Variants in EIF4G3 observed in about 807,000 individuals in gnomAD.
EIF4G3 encodes the protein eIF-4-gamma 3.
EIF4G3 carries 34 observed loss-of-function variants against 186.4 expected under a neutral mutation model. The observed-to-expected ratio is 0.18, with a 90% CI of 0.14 to 0.24. The LOEUF (loss-of-function observed/expected upper bound fraction) is 0.24. EIF4G3 is among the 10% of genes least tolerant of loss of function. EIF4G3 has a pLI of 1.00. For missense variants in EIF4G3, 1,536 were observed against 1,948.5 expected (o/e 0.79, Z 3.99); for synonymous variants, 673 against 679.5 (o/e 0.99, Z 0.15).
At chr1:21,074,304 ACATCTCCACACATAAC>A (rs1323117096) in intron 3 of EIF4G3, among the ~76,000 whole-genome samples, 1 of 152,200 alleles carries the variant, frequency 6.6e-6, no homozygotes, top group African/African-American at 2.4e-5. Flanking sequence ...GCAGTCAAAA[ACATCTCCACACATAAC>A]TAAATATCTC....
intron 15 of EIF4G3, among the ~76,000 whole-genome samples, chr1:20,900,171 T>C (rs2089799320): frequency 6.6e-6 from 1 of 152,122 alleles, no homozygotes; most frequent in South Asian, 2.1e-4. Context: ...TGCTTTAACA[T>C]GAGACTAATA....
At chr1:21,095,951 A>C (rs1372985738) in intron 2 of EIF4G3, among the ~76,000 whole-genome samples, 3 of 152,236 alleles carry the variant, frequency 2.0e-5, no homozygotes, top group East Asian at 1.9e-4. Flanking sequence ...CAAAAGTTTC[A>C]AATGAAGTTT....
At chr1:20,864,306 T>G (rs898210336) in intron 22 of EIF4G3, among the ~76,000 whole-genome samples, 170 bp downstream of exon 22, 1 of 152,130 alleles carries the variant, frequency 6.6e-6, no homozygotes, top group Non-Finnish European at 1.5e-5. Context: ...CTGACTCTGA[T>G]GGAAATGTAA....
intron 3 of EIF4G3, among the ~76,000 whole-genome samples, chr1:21,056,664 G>C (rs1571842340): frequency 6.6e-6 from 1 of 152,080 alleles, no homozygotes; most frequent in East Asian, 1.9e-4. Context: ...TTCTCTCTTG[G>C]TAAACTGTTC....
At chr1:20,883,140 G>T (rs2082940147) in intron 19 of EIF4G3, among the ~76,000 whole-genome samples, 1 of 151,464 alleles carries the variant, frequency 6.6e-6, no homozygotes. Flanking sequence ...AGTAAATTCT[G>T]TGTTAGGTAC....
At chr1:20,823,973 T>C (rs2063013958) in intron 33 of EIF4G3, among the ~76,000 whole-genome samples, 1 of 152,374 alleles carries the variant, frequency 6.6e-6, no homozygotes, top group African/African-American at 2.4e-5. Flanking sequence ...TTGCTGCTTC[T>C]GGGAGCCAAG....
At chr1:20,916,094 T>G (rs1238463266) in intron 14 of EIF4G3, among the ~76,000 whole-genome samples, 2 of 152,036 alleles carry the variant, frequency 1.3e-5, no homozygotes, top group African/African-American at 4.8e-5. Context: ...AAAAATACCA[T>G]GTACACAAGC....
intron 3 of EIF4G3, among the ~76,000 whole-genome samples, chr1:21,052,629 G>A (rs1195964328): frequency 6.6e-5 from 10 of 151,704 alleles, no homozygotes; most frequent in South Asian, 2.1e-4. Context: ...CCCTGATGCC[G>A]AGCCAAAGCT....
At chr1:20,868,409 G>A (rs2078178889) in intron 20 of EIF4G3, among the ~76,000 whole-genome samples, 3 of 151,994 alleles carry the variant, frequency 2.0e-5, no homozygotes, top group African/African-American at 7.3e-5. Context: ...ATCCTTACAT[G>A]ACAGGGAGAG....
Position 21,050,902 on chromosome 1 carries a change from C to T in EIF4G3, c.-103G>A, listed in dbSNP as rs766861150. 4 of 713,448 alleles carry T rather than the reference C, an allele frequency of 5.6e-6. No homozygotes were observed. Among genetic ancestry groups the T allele is most frequent in the South Asian group, 3.0e-5 (2 of 66,696 alleles). The allele number at this position is 713,448 out of a possible 1,614,324, so 44.2% of individuals were successfully genotyped here. A position where few individuals can be genotyped will look rare whatever the true frequency, so the allele number is the denominator to read the frequency against. On this transcript the variant is annotated 5_prime_UTR_variant, in exon 4 of 37. Transcript: ENST00000602326. ...CAGGGGACGATGCATGTCCCGGGGG[C>T]GTTGCCGCAAGATTTGGATGCCCCT... is the stretch of plus-strand genomic sequence containing the variant.
At chr1:21,068,638 TAC>T (rs2095346753) in intron 3 of EIF4G3, among the ~76,000 whole-genome samples, 1 of 152,160 alleles carries the variant, frequency 6.6e-6, no homozygotes, top group African/African-American at 2.4e-5. Context: ...TTGGGCAGGA[TAC>T]GTCACCTCTG....
At chr1:21,099,634 C>T (rs533142756) in intron 2 of EIF4G3, among the ~76,000 whole-genome samples, 1 of 152,258 alleles carries the variant, frequency 6.6e-6, no homozygotes, top group African/African-American at 2.4e-5. Context: ...AAATGGAAAG[C>T]AGATCAGTGC....
intron 11 of EIF4G3, 37 bp downstream of exon 11, chr1:20,972,965 A>T: frequency 6.7e-7 from 1 of 1,499,542 alleles, no homozygotes; most frequent in Non-Finnish European, 9.0e-7. Flanking sequence ...AATAGATTTT[A>T]GATTTAAAAT....
At chr1:21,093,846 T>C (rs2096274980) in intron 2 of EIF4G3, among the ~76,000 whole-genome samples, 1 of 151,842 alleles carries the variant, frequency 6.6e-6, no homozygotes, top group South Asian at 2.1e-4. Flanking sequence ...CAGCAAACTA[T>C]CACAAGGACA....
intron 7 of EIF4G3, among the ~76,000 whole-genome samples, chr1:20,991,150 A>G (rs919274039): frequency 3.9e-5 from 6 of 152,126 alleles, no homozygotes; most frequent in Non-Finnish European, 5.9e-5. Context: ...AATTTTTTCT[A>G]TATTTCCCGG....
In EIF4G3 at chr1:20,950,563, T is replaced by G. The variant is rs142496751; in HGVS notation, c.715-452A>C. 2.0e-5 allele frequency among the ~76,000 whole-genome samples: 3 copies of G among 152,274 alleles called. No individual in the cohort carries two copies. In the East Asian group the frequency reaches 5.8e-4, roughly 29 times the overall value. On this transcript the variant is annotated intron_variant, in intron 12 of 36. Transcript: ENST00000602326. ...AAATGTAATGAGGCTGAAAAGCGGTTACAGATTCAAGAAAACAATATTGAA... is the reference window on the plus strand; with the variant it reads ...AAATGTAATGAGGCTGAAAAGCGGTGACAGATTCAAGAAAACAATATTGAA...
intron 4 of EIF4G3, among the ~76,000 whole-genome samples, chr1:21,011,277 C>T (rs978534546): frequency 2.0e-5 from 3 of 149,298 alleles, no homozygotes; most frequent in African/African-American, 7.4e-5. Context: ...TTTAACTTTT[C>T]AATTTTTCTT....
rs12063274 is a variant in EIF4G3, at chr1:20,964,196, C to T, written c.714+5278G>A. Among the ~76,000 whole-genome samples the T allele has an allele frequency of 4.6e-5, 7 of 152,256 alleles. No individual in the cohort carries two copies. In the South Asian group the frequency reaches 1.2e-3, roughly 27 times the overall value. On this transcript the variant is annotated intron_variant, in intron 12 of 36. Transcript: ENST00000602326. ...TTAATAGGTAAGAACTAAAAGGGAACTCTCAGATTATTTCGTACAATTCCT... is the reference window on the plus strand; with the variant it reads ...TTAATAGGTAAGAACTAAAAGGGAATTCTCAGATTATTTCGTACAATTCCT...
At chr1:21,060,803 AAC>A (rs1308521678) in intron 3 of EIF4G3, among the ~76,000 whole-genome samples, 5 of 147,694 alleles carry the variant, frequency 3.4e-5, no homozygotes, top group Non-Finnish European at 7.6e-5. Flanking sequence ...AAAAAAAAAA[AAC>A]AAAGCTACTG....
Sources: allele counts gnomAD v4.1 joint callset (sites outside exome capture counted in the v4.1 genomes callset), GRCh38; gene constraint gnomAD v4.1.1; transcripts MANE v1.5; gene names NCBI Gene and HGNC (gene_info 2026-07-23, HGNC 2026-07-21).